The following PLEKHG4B variants were observed in gnomAD, a reference collection of about 807,000 sequenced individuals.
The protein encoded by PLEKHG4B is pleckstrin homology and RhoGEF domain containing G4B.
A neutral mutation model predicts 121.3 loss-of-function variants in PLEKHG4B; 111 were observed. That is an observed-to-expected ratio of 0.92 (90% CI 0.78 to 1.07). The LOEUF (loss-of-function observed/expected upper bound fraction) is 1.07. PLEKHG4B is among the 50% of genes least tolerant of loss of function. The pLI, the probability that PLEKHG4B is intolerant of heterozygous loss-of-function variation, is 0.00. For synonymous variants in PLEKHG4B, 738 were observed against 725.0 expected (o/e 1.02, Z -0.29); for missense variants, 1,831 against 1,757.8 (o/e 1.04, Z -0.74).
At chr5:124,731 T>C (rs947242974) in intron 2 of PLEKHG4B, among the ~76,000 whole-genome samples, 3 of 152,350 alleles carry the variant, frequency 2.0e-5, no homozygotes, top group Middle Eastern at 3.4e-3. Flanking sequence ...TTACTATTTG[T>C]GTGGATATAT....
At position 139,416 on chromosome 5, in the gene PLEKHG4B, C is replaced by A; in HGVS notation, c.244-67C>A. Reference sequence around the variant, plus strand: ...CTGACCTTCCCCTGAGGGGTGGAGACCCAGGGCATGGAAGGGCTCAGGACA... The same window carrying A: ...CTGACCTTCCCCTGAGGGGTGGAGAACCAGGGCATGGAAGGGCTCAGGACA... On this transcript the variant is annotated intron_variant, in intron 2 of 19. Transcript: ENST00000637938. This position sits in a 1 kb window ranked among gnomAD's most constrained non-coding sequence, Gnocchi z 5.0. 1 of 398,854 alleles carries A rather than the reference C, an allele frequency of 2.5e-6. No individual in the cohort carries two copies. The highest frequency in any genetic ancestry group is 2.1e-5 in the African/African-American group (1 of 48,750). The allele number at this position is 398,854 out of a possible 1,614,324, so 24.7% of individuals were successfully genotyped here.
chr5:164,690 GCTCACACTAATGCTCTGACGGGGCGGA>G, intron 13 of PLEKHG4B, among the ~76,000 whole-genome samples: 2 of 90,006 alleles, frequency 2.2e-5, no homozygotes, highest in Non-Finnish European at 2.1e-5. Context: ...AGGGGGCGGA[GCTCACACTAATGCTCTGACGGGGCGGA>G]GCTCACACTA....
chr5:113,755 A>G lies in PLEKHG4B; in HGVS notation c.243+307A>G, dbSNP rs150500904. 9.3e-4 allele frequency among the ~76,000 whole-genome samples: 142 copies of G among 152,362 alleles called. 1 individual carries two copies. Among genetic ancestry groups the G allele is most frequent in the African/African-American group, 3.3e-3 (138 of 41,586 alleles). Reference sequence around the variant, plus strand: ...GCAGGTATCTCAGAACTAAGTTACTACAGCAGTCACAATGCCGGCCCACCT... The same window carrying G: ...GCAGGTATCTCAGAACTAAGTTACTGCAGCAGTCACAATGCCGGCCCACCT... On this transcript the variant is annotated intron_variant, in intron 2 of 19. Coordinates refer to ENST00000637938, the MANE Select transcript of PLEKHG4B (RefSeq NM_052909.5). The surrounding 1 kb of genome is among the most constrained non-coding windows in gnomAD (Gnocchi z 5.2).
At position 139,142 on chromosome 5, in the gene PLEKHG4B, G is replaced by C. The variant is rs1401535684; in HGVS notation, c.244-341G>C. ...ACGCCCGGCCCCTTGCCCAGGCTGG[G>C]ACCACTCTGAGGGACAACTCATCCT... On this transcript the variant is annotated intron_variant, in intron 2 of 19. Transcript: ENST00000637938. This position sits in a 1 kb window ranked among gnomAD's most constrained non-coding sequence, Gnocchi z 5.0. Among the ~76,000 whole-genome samples, 2 of 152,180 alleles carry C rather than the reference G, an allele frequency of 1.3e-5. No homozygotes were observed. Among genetic ancestry groups the C allele is most frequent in the African/African-American group, 2.4e-5 (1 of 41,428 alleles).
chr5:162,515 C>T (rs897354126), intron 12 of PLEKHG4B, among the ~76,000 whole-genome samples: 9 of 152,230 alleles, frequency 5.9e-5, no homozygotes, highest in East Asian at 1.9e-4. Flanking sequence ...TCTGGCATGG[C>T]GAACAGACCC....
At chr5:97,621 G>A (rs757479516) in intron 1 of PLEKHG4B, among the ~76,000 whole-genome samples, 5 of 152,166 alleles carry the variant, frequency 3.3e-5, no homozygotes, top group African/African-American at 4.8e-5. Context: ...ACCATGTGTC[G>A]GTATTTCGTA....
Position 161,829 on chromosome 5 carries a change from G to A in PLEKHG4B, c.2534G>A (p.Arg845His), listed in dbSNP as rs529537081. The A allele has an allele frequency of 9.9e-6, 16 of 1,613,910 alleles. No homozygotes were observed. Among genetic ancestry groups the A allele is most frequent in the South Asian group, 3.3e-5 (3 of 91,082 alleles). Residue 845 changes from arginine to histidine, a missense_variant, in exon 12 of 20, where the codon CGT becomes CAT. Physicochemically the swap from Arg to His is conservative, Grantham distance 29. Coordinates refer to ENST00000637938, the MANE Select transcript of PLEKHG4B (RefSeq NM_052909.5). The part of the protein sequence containing the change: ...GLQLAKENPQ[R>H]TEEMVQDFRR... ...CAGCTGGCGAAGGAGAACCCGCAAC[G>A]TACAGAGGAAATGGTCCAGGATTTC... is the stretch of plus-strand genomic sequence containing the variant.
chr5:155,247 G>A (rs1245191109), intron 8 of PLEKHG4B, 98 bp from the exon 9 acceptor site: 79 of 1,148,340 alleles, frequency 6.9e-5, no homozygotes, highest in Non-Finnish European at 8.8e-5. Flanking sequence ...TTCCCAACCC[G>A]AGATCGGTCT....
At chr5:164,452 G>A (rs112355596) in intron 13 of PLEKHG4B, among the ~76,000 whole-genome samples, 3,023 of 119,234 alleles carry the variant, frequency 0.025, 44 homozygotes, top group African/African-American at 0.1. Context: ...CAGGGGGCGG[G>A]GCTCACAGTA....
chr5:143,529 C>G, intron 5 of PLEKHG4B, 26 bp downstream of exon 5: 2 of 1,609,128 alleles, frequency 1.2e-6, no homozygotes, highest in Non-Finnish European at 1.7e-6. Context: ...AGGCCGCACC[C>G]TGCAGACCCA....
intron 7 of PLEKHG4B, among the ~76,000 whole-genome samples, chr5:152,338 G>C (rs1256611469): frequency 6.6e-6 from 1 of 151,134 alleles, no homozygotes; most frequent in African/African-American, 2.4e-5. Context: ...AGCCTCCTGA[G>C]TAACTGGGAC....
intron 18 of PLEKHG4B, among the ~76,000 whole-genome samples, chr5:178,113 T>A (rs997326672): frequency 6.6e-6 from 1 of 152,250 alleles, no homozygotes; most frequent in Admixed American, 6.5e-5. Flanking sequence ...TCTTCCCTTT[T>A]CTGGTGGGGT....
At position 184,024 on chromosome 5, in the gene PLEKHG4B, G is replaced by GATAGAT. The variant is rs1328914871; in HGVS notation, c.*1706_*1707insTATAGA. ...AGATAGATAGATAGATAGATAGATAGATAGACTGACAGACAGATGAGAGGG... is the reference window on the plus strand; with the variant it reads ...AGATAGATAGATAGATAGATAGATAGATAGATATAGACTGACAGACAGATGAGAGGG... On this transcript the variant is annotated 3_prime_UTR_variant, in exon 20 of 20. Transcript: ENST00000637938. 2.0e-5 allele frequency: 3 copies of GATAGAT among 147,950 alleles called. No homozygotes were observed. Among genetic ancestry groups the GATAGAT allele is most frequent in the South Asian group, 2.1e-4 (1 of 4,816 alleles). 9.2% of individuals were successfully genotyped at this position (147,950 alleles called of 1,614,324 possible).
chr5:165,125 CAG>C (rs201688619), intron 13 of PLEKHG4B, among the ~76,000 whole-genome samples: 44 of 97,968 alleles, frequency 4.5e-4, no homozygotes, highest in Non-Finnish European at 6.3e-4. Flanking sequence ...GGAGCTCACA[CAG>C]TAATGCTGTG....
chr5:161,284 T>C (rs1735991469), intron 11 of PLEKHG4B, among the ~76,000 whole-genome samples: 1 of 152,248 alleles, frequency 6.6e-6, no homozygotes, highest in African/African-American at 2.4e-5. Flanking sequence ...GCCTGAAGAA[T>C]ATTTCTGGAA....
intron 3 of PLEKHG4B, among the ~76,000 whole-genome samples, chr5:141,618 C>T (rs1735206444): frequency 6.6e-6 from 1 of 151,586 alleles, no homozygotes; most frequent in African/African-American, 2.4e-5. Flanking sequence ...TCACAGTTTC[C>T]AAGGGTTAGG....
chr5:117,373 T>TA (rs1734335513), intron 2 of PLEKHG4B, among the ~76,000 whole-genome samples: 1 of 152,214 alleles, frequency 6.6e-6, no homozygotes, highest in Non-Finnish European at 1.5e-5. Context: ...TCATTATTAA[T>TA]AATATTAATA....
chr5:150,424 G>C (rs1182316471), intron 6 of PLEKHG4B, among the ~76,000 whole-genome samples: 1 of 152,174 alleles, frequency 6.6e-6, no homozygotes, highest in Non-Finnish European at 1.5e-5. Context: ...TTATGGAGAC[G>C]AATGGTGGTG....
At position 156,983 on chromosome 5, in the gene PLEKHG4B, A is replaced by C; in HGVS notation, c.2487+72A>C. Reference sequence around the variant, plus strand: ...CCAGGCTGGCCAAGGCAACCCTCTCACCTTCACACTGTGTCTTTAGGGCCT... The same window carrying C: ...CCAGGCTGGCCAAGGCAACCCTCTCCCCTTCACACTGTGTCTTTAGGGCCT... On this transcript the variant is annotated intron_variant, in intron 11 of 19. Coordinates refer to ENST00000637938, the MANE Select transcript of PLEKHG4B (RefSeq NM_052909.5). This position sits in a 1 kb window ranked among gnomAD's most constrained non-coding sequence, Gnocchi z 4.4. 9.0e-6 allele frequency: 14 copies of C among 1,559,902 alleles called. No individual in the cohort carries two copies. The highest frequency in any genetic ancestry group is 1.4e-5 in the African/African-American group (1 of 73,738).
Sources: allele counts gnomAD v4.1 joint callset (sites outside exome capture counted in the v4.1 genomes callset), GRCh38; gene constraint gnomAD v4.1.1; non-coding constraint Gnocchi (gnomAD v3.1); transcripts MANE v1.5; gene names NCBI Gene and HGNC (gene_info 2026-07-23, HGNC 2026-07-21).